Variants in SEL1L2 observed in about 807,000 individuals in gnomAD.
SEL1L2 encodes SEL1L2 adaptor subunit of SYVN1 ubiquitin ligase, also known as protein sel-1 homolog 2.
A neutral mutation model predicts 98.8 loss-of-function variants in SEL1L2; 89 were observed. The ratio of observed to expected loss-of-function variants is 0.90; its 90% CI spans 0.76 to 1.07. The LOEUF (loss-of-function observed/expected upper bound fraction) is 1.07. SEL1L2 is among the 50% of genes least tolerant of loss of function. The pLI, the probability that SEL1L2 is intolerant of heterozygous loss-of-function variation, is 0.00. For missense variants in SEL1L2, 788 were observed against 812.0 expected (o/e 0.97, Z 0.36); for synonymous variants, 262 against 278.5 (o/e 0.94, Z 0.59).
chr20:13,978,499 G>T (rs1442048429), intron 1 of SEL1L2, among the ~76,000 whole-genome samples: 1 of 152,164 alleles, frequency 6.6e-6, no homozygotes, highest in Non-Finnish European at 1.5e-5. Flanking sequence ...ATGGAAAGCA[G>T]TATAGAGGTT....
intron 4 of SEL1L2, among the ~76,000 whole-genome samples, chr20:13,916,770 C>A (rs139236129): frequency 6.6e-6 from 1 of 152,174 alleles, no homozygotes; most frequent in East Asian, 1.9e-4. Context: ...TGTGCCACTG[C>A]ATTCCAGCCT....
intron 1 of SEL1L2, among the ~76,000 whole-genome samples, chr20:13,958,801 G>A (rs982063068): frequency 3.9e-5 from 6 of 151,928 alleles, no homozygotes; most frequent in Admixed American, 1.3e-4. Flanking sequence ...AAAGTTAGCC[G>A]GGTGTGGTGG....
chr20:13,915,626 G>A (rs976599461), intron 4 of SEL1L2, among the ~76,000 whole-genome samples: 1 of 152,142 alleles, frequency 6.6e-6, no homozygotes, highest in Non-Finnish European at 1.5e-5. Context: ...TGGACCCAGA[G>A]GGCAGCAATA....
At chr20:13,898,671 G>A (rs2148069776) in intron 5 of SEL1L2, among the ~76,000 whole-genome samples, 1 of 152,276 alleles carries the variant, frequency 6.6e-6, no homozygotes, top group East Asian at 1.9e-4. Flanking sequence ...TCATTTATGG[G>A]TAGAGCCAAA....
intron 12 of SEL1L2, among the ~76,000 whole-genome samples, chr20:13,874,340 C>T (rs573234537): frequency 2.0e-5 from 3 of 152,240 alleles, no homozygotes; most frequent in Non-Finnish European, 2.9e-5. Flanking sequence ...ATTGTTCAGG[C>T]GCTGATCAAG....
intron 5 of SEL1L2, among the ~76,000 whole-genome samples, chr20:13,899,547 C>T (rs2148075863): frequency 6.6e-6 from 1 of 152,320 alleles, no homozygotes; most frequent in South Asian, 2.1e-4. Context: ...AGCCTGTGTC[C>T]TTCCCTGGCA....
At chr20:13,917,828 G>A (rs2048478055) in intron 4 of SEL1L2, among the ~76,000 whole-genome samples, 1 of 115,924 alleles carries the variant, frequency 8.6e-6, no homozygotes. Context: ...GATGGAGTCT[G>A]GCTTTGTCAC....
At chr20:13,956,401 T>C (rs371865912) in intron 1 of SEL1L2, among the ~76,000 whole-genome samples, 2 of 152,280 alleles carry the variant, frequency 1.3e-5, no homozygotes, top group East Asian at 3.9e-4. Context: ...AAGAGTTCTA[T>C]AAATCATAGA....
chr20:13,939,057 T>TTTTTTTTTTTTA, intron 2 of SEL1L2, among the ~76,000 whole-genome samples: 2 of 144,614 alleles, frequency 1.4e-5, no homozygotes, highest in Admixed American at 1.4e-4. Context: ...TTTTTTTTTT[T>TTTTTTTTTTTTA]TTCTGAGATG....
chr20:13,869,595 A>C lies in SEL1L2; in HGVS notation c.1168-5T>G. On this transcript the variant is annotated splice_polypyrimidine_tract_variant and splice_region_variant and intron_variant, in intron 13 of 19. Transcript: ENST00000284951. The stretch of plus-strand genomic sequence containing the variant: ...TTTAAGTGCTTCGGCATAATTCTGC[A>C]AGATAATTACACTCTATTACTCAAA... The C allele has an allele frequency of 1.2e-6, 2 of 1,612,190 alleles. No homozygotes were observed. The highest frequency in any genetic ancestry group is 4.5e-5 in the East Asian group (2 of 44,866).
At chr20:13,864,074 T>G (rs1990609315) in intron 17 of SEL1L2, among the ~76,000 whole-genome samples, 1 of 152,184 alleles carries the variant, frequency 6.6e-6, no homozygotes, top group Non-Finnish European at 1.5e-5. Flanking sequence ...TCCACACCAT[T>G]TCCTGGCTTG....
At chr20:13,946,597 G>A (rs1231282847) in intron 2 of SEL1L2, among the ~76,000 whole-genome samples, 2 of 152,282 alleles carry the variant, frequency 1.3e-5, no homozygotes, top group Non-Finnish European at 2.9e-5. Flanking sequence ...GCTCCGCAGA[G>A]CCAGTGGAAG....
intron 3 of SEL1L2, among the ~76,000 whole-genome samples, chr20:13,920,202 T>C (rs540024747): frequency 7.7e-6 from 1 of 129,484 alleles, no homozygotes; most frequent in South Asian, 2.6e-4. Context: ...CACTCCAGCC[T>C]GGGTGACAGA....
At chr20:13,934,403 CAT>C (rs55993602) in intron 2 of SEL1L2, among the ~76,000 whole-genome samples, 9 of 840 alleles carry the variant, frequency 0.011, no homozygotes, top group South Asian at 0.038. Context: ...ATATATATTC[CAT>C]ATATATATAT....
chr20:13,939,043 T>G (rs200847074), intron 2 of SEL1L2, among the ~76,000 whole-genome samples: 66,867 of 117,570 alleles, frequency 0.57, 22,075 homozygotes, highest in East Asian at 0.72. Context: ...TTGTTTTGTT[T>G]TTTTTTTTTT....
At chr20:13,967,605 T>A (rs1235335588) in intron 1 of SEL1L2, among the ~76,000 whole-genome samples, 1 of 152,162 alleles carries the variant, frequency 6.6e-6, no homozygotes, top group African/African-American at 2.4e-5. Context: ...TTCAACCATA[T>A]GGGGGCAACT....
intron 17 of SEL1L2, among the ~76,000 whole-genome samples, chr20:13,861,531 A>T (rs1990140739): frequency 6.6e-6 from 1 of 152,040 alleles, no homozygotes; most frequent in African/African-American, 2.4e-5. Flanking sequence ...CATACCATCC[A>T]ATTTACCCAT....
At chr20:13,922,955 T>C (rs1014616785) in intron 3 of SEL1L2, among the ~76,000 whole-genome samples, 1 of 152,170 alleles carries the variant, frequency 6.6e-6, no homozygotes, top group Non-Finnish European at 1.5e-5. Flanking sequence ...TAGAGCTTTA[T>C]AGGGTGGATG....
In SEL1L2 at chr20:13,918,989, AACTTGGCTAAGGTCACTGGATAAAG is replaced by A; in HGVS notation, c.386+7_386+31del. The A allele has an allele frequency of 6.9e-7, 1 of 1,446,516 alleles. No homozygotes were observed. The highest frequency in any genetic ancestry group is 1.2e-5 in the South Asian group (1 of 82,694). The allele number at this position is 1,446,516 out of a possible 1,614,324, so 89.6% of individuals were successfully genotyped here. A position where few individuals can be genotyped will look rare whatever the true frequency, so the allele number is the denominator to read the frequency against. Reference sequence around the variant, plus strand: ...TTCTTTTTTCTTAACCTGGAAATTCAACTTGGCTAAGGTCACTGGATAAAGACTTACTCTTCTTTTTGTTTTTGGC... The same window carrying A: ...TTCTTTTTTCTTAACCTGGAAATTCAACTTACTCTTCTTTTTGTTTTTGGC... On this transcript the variant is annotated splice_region_variant and intron_variant, in intron 4 of 19. Transcript: ENST00000284951.
Sources: allele counts gnomAD v4.1 joint callset (sites outside exome capture counted in the v4.1 genomes callset), GRCh38; gene constraint gnomAD v4.1.1; transcripts MANE v1.5; gene names NCBI Gene and HGNC (gene_info 2026-07-23, HGNC 2026-07-21).